Variants in PRDM16 observed in about 807,000 individuals in gnomAD.
PRDM16 encodes the protein histone-lysine N-methyltransferase PRDM16.
A neutral mutation model predicts 110.6 loss-of-function variants in PRDM16; 23 were observed. That is an observed-to-expected ratio of 0.21 (90% CI 0.15 to 0.29). The LOEUF (loss-of-function observed/expected upper bound fraction) is 0.29. Ranked by LOEUF, PRDM16 falls within the 10% of genes least tolerant of loss-of-function variation. The probability of loss-of-function intolerance (pLI) is 1.00; values close to 1 mark genes in which losing one functional copy is unlikely to be tolerated. For synonymous variants in PRDM16, 799 were observed against 781.8 expected (o/e 1.02, Z -0.37); for missense variants, 1,615 against 1,794.3 (o/e 0.90, Z 1.81).
Position 3,382,902 on chromosome 1 carries a change from ATACTGCCAG to A in PRDM16, c.439-2249_439-2241del, listed in dbSNP as rs1643126692. 6.6e-6 allele frequency among the ~76,000 whole-genome samples: 1 copy of A among 152,184 alleles called. No individual in the cohort carries two copies. Among genetic ancestry groups the A allele is most frequent in the Non-Finnish European group, 1.5e-5 (1 of 68,022 alleles). On this transcript the variant is annotated intron_variant, in intron 3 of 16. Coordinates refer to ENST00000270722, the MANE Select transcript of PRDM16 (RefSeq NM_022114.4). This position sits in a 1 kb window ranked among gnomAD's most constrained non-coding sequence, Gnocchi z 6.6. ...CCCATGGGCTGGGGACGGGACTGGG[ATACTGCCAG>A]CCCCATGTGGCCAGCTGTGCTCCTG...
At chr1:3,221,322 TGA>T (rs1437372474) in intron 2 of PRDM16, among the ~76,000 whole-genome samples, 2 of 152,222 alleles carry the variant, frequency 1.3e-5, no homozygotes, top group Non-Finnish European at 2.9e-5. Context: ...CTTAAAGTCA[TGA>T]GCCTCTCTGA....
At chr1:3,413,581 G>A (rs911473348) in intron 9 of PRDM16, among the ~76,000 whole-genome samples, 11 of 152,186 alleles carry the variant, frequency 7.2e-5, no homozygotes, top group Non-Finnish European at 1.3e-4. Flanking sequence ...GCTTCGCCAT[G>A]CAAGGAGACA....
chr1:3,319,515 T>A (rs1045299156), intron 3 of PRDM16, among the ~76,000 whole-genome samples: 1 of 152,078 alleles, frequency 6.6e-6, no homozygotes, highest in Middle Eastern at 3.2e-3. Flanking sequence ...CAGACCAGGC[T>A]GGGGGCCAGG....
chr1:3,155,206 G>A (rs1464229436), intron 1 of PRDM16, among the ~76,000 whole-genome samples: 2 of 152,230 alleles, frequency 1.3e-5, no homozygotes, highest in Non-Finnish European at 2.9e-5. Flanking sequence ...GCATCTCTCC[G>A]GAGGCGTCCA....
chr1:3,222,929 T>C (rs774362591), intron 2 of PRDM16, among the ~76,000 whole-genome samples: 7 of 151,926 alleles, frequency 4.6e-5, no homozygotes, highest in Non-Finnish European at 8.8e-5. Flanking sequence ...GGTGGGTGGG[T>C]TGGGGAGCAA....
intron 4 of PRDM16, among the ~76,000 whole-genome samples, chr1:3,392,836 T>C (rs1275189938): frequency 6.6e-6 from 1 of 152,232 alleles, no homozygotes; most frequent in Non-Finnish European, 1.5e-5. Context: ...ACGTGGCCAT[T>C]TATTTGTCCC....
At chr1:3,403,100 C>T (rs530712477) in intron 6 of PRDM16, 102 bp downstream of exon 6, 26 of 996,524 alleles carry the variant, frequency 2.6e-5, no homozygotes, top group Non-Finnish European at 3.5e-5. Flanking sequence ...CCTCCCTTCC[C>T]CCGCCTCGCC....
Position 3,431,085 on chromosome 1 carries a change from C to G in PRDM16, c.3498C>G (p.Ala1166=). 1 of 1,551,646 alleles carries G rather than the reference C, an allele frequency of 6.4e-7. No homozygotes were observed. Among genetic ancestry groups the G allele is most frequent in the Non-Finnish European group, 8.7e-7 (1 of 1,147,982 alleles). Residue 1166 remains alanine (A), a synonymous_variant, in exon 15 of 17, where the codon GCC becomes GCG. Coordinates refer to ENST00000270722, the MANE Select transcript of PRDM16 (RefSeq NM_022114.4). ...ATGAGGAGCCAGCCGCCTCCCTGGC[C>G]GTGGGCTTTGACCACACCCGAAGGT... is the stretch of plus-strand genomic sequence containing the variant. ...EEDEEPAASL[A]VGFDHTRRCA...
intron 3 of PRDM16, among the ~76,000 whole-genome samples, chr1:3,330,965 G>A (rs745887114): frequency 2.0e-5 from 3 of 152,216 alleles, no homozygotes; most frequent in African/African-American, 4.8e-5. Flanking sequence ...ATAAGGGCCT[G>A]GCTTTCAGCT....
intron 3 of PRDM16, among the ~76,000 whole-genome samples, chr1:3,267,386 G>A (rs960421086): frequency 1.3e-5 from 2 of 152,218 alleles, no homozygotes; most frequent in Non-Finnish European, 2.9e-5. Context: ...CCTGCGTGGA[G>A]GGGCCACACC....
At chr1:3,371,933 C>T (rs906019151) in intron 3 of PRDM16, among the ~76,000 whole-genome samples, 1 of 152,252 alleles carries the variant, frequency 6.6e-6, no homozygotes, top group Non-Finnish European at 1.5e-5. Flanking sequence ...AGTGGTGAGT[C>T]TCAGCACCTG....
chr1:3,289,001 G>A (rs2100351935), intron 3 of PRDM16, among the ~76,000 whole-genome samples: 1 of 152,268 alleles, frequency 6.6e-6, no homozygotes, highest in East Asian at 1.9e-4. Context: ...CTCCTCACAG[G>A]GCCTAGGGGC....
intron 12 of PRDM16, among the ~76,000 whole-genome samples, chr1:3,420,017 G>A (rs1001836039): frequency 6.6e-6 from 1 of 151,982 alleles, no homozygotes; most frequent in Non-Finnish European, 1.5e-5. Context: ...CCCAGAAAAT[G>A]AGCTGTGTGT....
At position 3,390,314 on chromosome 1, in the gene PRDM16, A is replaced by G. The variant is rs987317758; in HGVS notation, c.573+5028A>G. 2.0e-4 allele frequency among the ~76,000 whole-genome samples: 30 copies of G among 152,272 alleles called. No individual in the cohort carries two copies. Among genetic ancestry groups the G allele is most frequent in the Admixed American group, 1.4e-3 (21 of 15,302 alleles). ...GCTGGGGACAGGGCTGAGGTCAAAC[A>G]CAAATGTCGGGGAGCTGGACTCAGG... On this transcript the variant is annotated intron_variant, in intron 4 of 16. Transcript: ENST00000270722. This position sits in a 1 kb window ranked among gnomAD's most constrained non-coding sequence, Gnocchi z 5.0.
chr1:3,207,946 C>T (rs1490768323), intron 2 of PRDM16: 1 of 152,288 alleles, frequency 6.6e-6, no homozygotes, highest in Admixed American at 6.5e-5. Flanking sequence ...GCTGAGAAAC[C>T]CAGGCGTGGA....
rs36004351 is a variant in PRDM16 at position 3,261,127 on chromosome 1, G to GAAA, written c.438+17003_438+17005dup. On this transcript the variant is annotated intron_variant, in intron 3 of 16. Transcript: ENST00000270722. ...CTTCACAAACATGAGGCATTAACAA[G>GAAA]AAAAAAAAAAAAAAACAGGAAGAGG... Among the ~76,000 whole-genome samples, 49 of 139,470 alleles carry GAAA rather than the reference G, an allele frequency of 3.5e-4. 1 individual carries two copies. Among genetic ancestry groups the GAAA allele is most frequent in the South Asian group, 1.9e-3 (8 of 4,264 alleles). 91.5% of individuals were successfully genotyped at this position (139,470 alleles called of 152,430 possible).
chr1:3,186,110 C>A lies in PRDM16; in HGVS notation c.38-15C>A, dbSNP rs9662053. ...GCACGTGCTGCAGAGGTTGACGCTG[C>A]GTTGTCTCCTTTAGGTGACGGTGAC... On this transcript the variant is annotated splice_polypyrimidine_tract_variant and intron_variant, in intron 1 of 16. Coordinates refer to ENST00000270722, the MANE Select transcript of PRDM16 (RefSeq NM_022114.4). 2 of 1,602,450 alleles carry A rather than the reference C, an allele frequency of 1.2e-6. No homozygotes were observed. The highest frequency in any genetic ancestry group is 1.7e-6 in the Non-Finnish European group (2 of 1,170,590).
chr1:3,124,835 C>T (rs960078266), intron 1 of PRDM16, among the ~76,000 whole-genome samples: 15 of 152,192 alleles, frequency 9.9e-5, no homozygotes, highest in Non-Finnish European at 2.2e-4. Flanking sequence ...GCTCCAGGGC[C>T]AGGCCTCAAT....
chr1:3,191,164 T>C (rs1005046385), intron 2 of PRDM16, among the ~76,000 whole-genome samples: 1 of 152,274 alleles, frequency 6.6e-6, no homozygotes, highest in African/African-American at 2.4e-5. Flanking sequence ...CTGCCTCTGC[T>C]GAAGAGGCCA....
Sources: gnomAD v4.1 joint callset for allele counts (sites outside exome capture counted in the v4.1 genomes callset) on GRCh38, gnomAD v4.1.1 for gene constraint, Gnocchi (gnomAD v3.1) non-coding constraint, MANE v1.5 for transcripts, NCBI Gene and HGNC (gene_info 2026-07-23, HGNC 2026-07-21) for gene names.